The following TPRG1 variants were observed in gnomAD, a reference collection of about 807,000 sequenced individuals.
TPRG1 encodes tumor protein p63-regulated gene 1 protein.
TPRG1 carries 29 observed loss-of-function variants against 29.3 expected under a neutral mutation model. That is an observed-to-expected ratio of 0.99 (90% confidence interval 0.74 to 1.35). TPRG1 has a LOEUF of 1.35. TPRG1 is among the 40% of genes most tolerant of loss of function. The pLI is 0.00. For missense variants in TPRG1, 327 were observed against 335.0 expected, an observed-to-expected ratio of 0.98 and a Z score of 0.19; for synonymous variants, 130 against 116.8, an observed-to-expected ratio of 1.11 and a Z score of -0.73.
intron 3 of TPRG1, among the ~76,000 whole-genome samples, chr3:189,220,243 C>T (rs1428250594): frequency 6.6e-6 from 1 of 151,234 alleles, no homozygotes. Flanking sequence ...TAGATGTTTA[C>T]TATTCTTGAA....
intron 4 of TPRG1, among the ~76,000 whole-genome samples, chr3:189,293,154 G>A (rs1396328676): frequency 3.3e-5 from 5 of 152,124 alleles, no homozygotes; most frequent in African/African-American, 4.8e-5. Flanking sequence ...GAGAGATTCC[G>A]TACCACCCAT....
intron 5 of TPRG1, among the ~76,000 whole-genome samples, chr3:189,311,323 T>C (rs910912356): frequency 6.6e-5 from 10 of 152,232 alleles, no homozygotes; most frequent in African/African-American, 2.4e-4. Flanking sequence ...TATGTTTACT[T>C]TTATATTCTG....
At chr3:189,169,278 C>T (rs1352716374), upstream of TPRG1, among the ~76,000 whole-genome samples, 1 of 152,188 alleles carries the variant, frequency 6.6e-6, no homozygotes, top group Non-Finnish European at 1.5e-5. Flanking sequence ...GATTCTCCTG[C>T]CTCAGCCTCC....
At chr3:189,226,983 A>C (rs1235147433) in intron 3 of TPRG1, among the ~76,000 whole-genome samples, 2 of 151,892 alleles carry the variant, frequency 1.3e-5, no homozygotes, top group Non-Finnish European at 2.9e-5. Flanking sequence ...ATTTCGCAAA[A>C]CACACAAACT....
chr3:189,252,660 C>T (rs1742473963), intron 4 of TPRG1, among the ~76,000 whole-genome samples: 1 of 152,096 alleles, frequency 6.6e-6, no homozygotes, highest in Non-Finnish European at 1.5e-5. Context: ...TGAATTTGGA[C>T]AATTTACTTT....
intron 3 of TPRG1, among the ~76,000 whole-genome samples, chr3:189,022,853 C>T (rs1713422321): frequency 6.6e-6 from 1 of 152,248 alleles, no homozygotes; most frequent in African/African-American, 2.4e-5. Context: ...AGTTTGATCT[C>T]AGACTGCTGT....
chr3:189,159,061 C>A (rs1211376580), intron 5 of TPRG1, among the ~76,000 whole-genome samples: 1 of 152,030 alleles, frequency 6.6e-6, no homozygotes, highest in Non-Finnish European at 1.5e-5. Flanking sequence ...GAGTAGCAGG[C>A]AGTTGTTCCT....
chr3:189,276,606 G>A (rs1716186795), intron 4 of TPRG1, among the ~76,000 whole-genome samples: 1 of 152,112 alleles, frequency 6.6e-6, no homozygotes, highest in Non-Finnish European at 1.5e-5. Flanking sequence ...ATGCTTTAAA[G>A]TACTGATGTC....
At chr3:189,165,913 C>T (rs1192292507) in intron 5 of TPRG1, among the ~76,000 whole-genome samples, 2 of 152,132 alleles carry the variant, frequency 1.3e-5, no homozygotes, top group Non-Finnish European at 2.9e-5. Flanking sequence ...TGTAACTGGT[C>T]AGGGACTAAG....
At chr3:189,153,173 A>G (rs1360388669) in intron 5 of TPRG1, among the ~76,000 whole-genome samples, 9 of 152,180 alleles carry the variant, frequency 5.9e-5, no homozygotes, top group Admixed American at 5.2e-4. Flanking sequence ...AAATGTCGTC[A>G]TCCCTATGTA....
At chr3:189,279,904 C>T (rs972920073) in intron 4 of TPRG1, among the ~76,000 whole-genome samples, 17 of 152,116 alleles carry the variant, frequency 1.1e-4, no homozygotes, top group East Asian at 3.9e-4. Flanking sequence ...TATGAATGAA[C>T]GGGAAAACTG....
chr3:189,074,199 CTTTTTTTT>C lies in TPRG1; in HGVS notation c.-463+50270_-463+50277del, dbSNP rs554150288. ...TTTTTAATTCTGAGGAATTATTTTCCTTTTTTTTTTTTTTTTTTTTTTTTGACGTGGAG... is the reference window on the plus strand; with the variant it reads ...TTTTTAATTCTGAGGAATTATTTTCCTTTTTTTTTTTTTTTTGACGTGGAG... On this transcript the variant is annotated intron_variant, in intron 4 of 10. Coordinates refer to the TPRG1 transcript ENST00000433971. Among the ~76,000 whole-genome samples, 474 of 68,126 alleles carry C rather than the reference CTTTTTTTT, an allele frequency of 7.0e-3. 7 individuals are homozygous for C. The highest frequency in any genetic ancestry group is 0.028 in the African/African-American group (416 of 14,866). 44.7% of individuals were successfully genotyped at this position (68,126 alleles called of 152,430 possible).
chr3:189,267,996 TATA>T (rs1714419178), intron 4 of TPRG1, among the ~76,000 whole-genome samples: 1 of 152,136 alleles, frequency 6.6e-6, no homozygotes, highest in Non-Finnish European at 1.5e-5. Context: ...AGAGGTTACA[TATA>T]AGATTCTGAA....
chr3:189,093,964 G>A (rs1241127017), intron 4 of TPRG1, among the ~76,000 whole-genome samples: 1 of 151,820 alleles, frequency 6.6e-6, no homozygotes, highest in African/African-American at 2.4e-5. Context: ...CAGCCCTCGG[G>A]ACATCAGCCT....
intron 1 of TPRG1, among the ~76,000 whole-genome samples, chr3:189,187,343 G>A (rs562624353): frequency 6.6e-6 from 1 of 151,704 alleles, no homozygotes; most frequent in South Asian, 2.1e-4. Flanking sequence ...GTCTCACTCT[G>A]TCACCCAGGC....
At chr3:189,088,276 G>T (rs1017893582) in intron 4 of TPRG1, among the ~76,000 whole-genome samples, 4 of 151,886 alleles carry the variant, frequency 2.6e-5, no homozygotes, top group Non-Finnish European at 5.9e-5. Context: ...TTGTGAATGG[G>T]AGTTCACTCA....
At chr3:189,057,874 GTATATA>G (rs369924995) in intron 4 of TPRG1, among the ~76,000 whole-genome samples, 2 of 120,872 alleles carry the variant, frequency 1.7e-5, no homozygotes, top group Admixed American at 1.6e-4. Flanking sequence ...ACGTATGTGT[GTATATA>G]TATATACGTA....
At chr3:189,013,970 T>C (rs1452457133) in intron 3 of TPRG1, among the ~76,000 whole-genome samples, 1 of 152,182 alleles carries the variant, frequency 6.6e-6, no homozygotes, top group Non-Finnish European at 1.5e-5. Context: ...TGCCACTCTG[T>C]CTTTTCATTG....
At chr3:189,016,964 G>A (rs897671918) in intron 3 of TPRG1, among the ~76,000 whole-genome samples, 1 of 152,086 alleles carries the variant, frequency 6.6e-6, no homozygotes. Context: ...TGCATTTCCT[G>A]AATTTGAATG....
Sources: gnomAD v4.1 joint callset for allele counts (sites outside exome capture counted in the v4.1 genomes callset) on GRCh38, gnomAD v4.1.1 for gene constraint, MANE v1.5 for transcripts, NCBI Gene and HGNC (gene_info 2026-07-23, HGNC 2026-07-21) for gene names.